The following PCDH9 variants were observed in gnomAD, a reference collection of about 807,000 sequenced individuals.
PCDH9 encodes the protein protocadherin-9.
PCDH9 carries 24 observed loss-of-function variants against 70.6 expected under a neutral mutation model. The observed-to-expected ratio is 0.34, with a 90% CI of 0.25 to 0.48. PCDH9 has a LOEUF of 0.48. PCDH9 is among the 20% of genes least tolerant of loss of function. The pLI is 0.99. For missense variants in PCDH9, 1,281 were observed against 1,503.6 expected (o/e 0.85, Z 2.45); for synonymous variants, 562 against 558.5 (o/e 1.01, Z -0.09).
At chr13:66,921,972 C>T (rs1267088135) in intron 2 of PCDH9, among the ~76,000 whole-genome samples, 1 of 151,300 alleles carries the variant, frequency 6.6e-6, no homozygotes, top group Non-Finnish European at 1.5e-5. Flanking sequence ...AATATCACTG[C>T]TGAAAGAACA....
chr13:66,718,825 T>C (rs999873855), intron 3 of PCDH9, among the ~76,000 whole-genome samples: 1 of 152,182 alleles, frequency 6.6e-6, no homozygotes, highest in African/African-American at 2.4e-5. Context: ...AGTTTTGATA[T>C]TTTCTTGAGC....
chr13:67,221,316 A>G (rs572046010), intron 2 of PCDH9: 3 of 152,180 alleles, frequency 2.0e-5, no homozygotes, highest in Non-Finnish European at 4.4e-5. Flanking sequence ...ACATTTCAGT[A>G]GTGGTTGTAG....
In PCDH9 at chr13:67,227,543, T is replaced by G; in HGVS notation, c.898A>C (p.Lys300Gln). 6.2e-7 allele frequency: 1 copy of G among 1,614,058 alleles called. No homozygotes were observed. Among genetic ancestry groups the G allele is most frequent in the Non-Finnish European group, 8.5e-7 (1 of 1,179,946 alleles). Reference protein sequence around the residue: ...IFGAQVAPATKRLFALNNTTG... With the variant: ...IFGAQVAPATQRLFALNNTTG... ...GTATTATTTAAAGCAAAGAGTCTTT[T>G]GGTTGCAGGGGCGACCTGGGCACCA... The change falls in exon 2 of 5, where the codon AAA (lysine) becomes CAA (glutamine). Residue 300 changes from lysine to glutamine, a missense_variant. Lys to Gln is a moderately conservative substitution (Grantham distance 53). Coordinates refer to ENST00000377865, the MANE Select transcript of PCDH9 (RefSeq NM_203487.3). The surrounding 1 kb of genome is among the most constrained non-coding windows in gnomAD (Gnocchi z 4.6).
intron 2 of PCDH9, among the ~76,000 whole-genome samples, chr13:66,940,341 T>G (rs569921157): frequency 2.0e-5 from 3 of 152,230 alleles, no homozygotes; most frequent in African/African-American, 7.2e-5. Context: ...AGTGTAATAT[T>G]TTGTTGTTGT....
intron 4 of PCDH9, among the ~76,000 whole-genome samples, chr13:66,398,640 G>A (rs1957141868): frequency 6.6e-6 from 1 of 151,960 alleles, no homozygotes; most frequent in African/African-American, 2.4e-5. Flanking sequence ...TTCAAAACTA[G>A]CATTTTAGTA....
intron 2 of PCDH9, among the ~76,000 whole-genome samples, chr13:66,996,541 G>T (rs1308416023): frequency 6.6e-6 from 1 of 152,144 alleles, no homozygotes; most frequent in Non-Finnish European, 1.5e-5. Flanking sequence ...TAAGTAATTT[G>T]ATATGTGAAG....
At chr13:66,697,945 A>T (rs2078586373) in intron 3 of PCDH9, among the ~76,000 whole-genome samples, 3 of 152,232 alleles carry the variant, frequency 2.0e-5, no homozygotes, top group Admixed American at 6.5e-5. Context: ...ATTCAGTCTT[A>T]AAAAAGACTG....
intron 4 of PCDH9, among the ~76,000 whole-genome samples, chr13:66,422,780 G>A (rs1042917229): frequency 3.3e-5 from 5 of 152,012 alleles, no homozygotes; most frequent in Non-Finnish European, 7.4e-5. Context: ...TCAAAAGGTA[G>A]CAGAAGACAA....
chr13:66,515,551 C>A (rs1449071256), intron 4 of PCDH9, among the ~76,000 whole-genome samples: 1 of 151,784 alleles, frequency 6.6e-6, no homozygotes, highest in Non-Finnish European at 1.5e-5. Flanking sequence ...TACTCCTGGG[C>A]AGTAGTAATG....
At chr13:67,010,539 C>T (rs1037520370) in intron 2 of PCDH9, among the ~76,000 whole-genome samples, 8 of 152,120 alleles carry the variant, frequency 5.3e-5, no homozygotes, top group African/African-American at 1.9e-4. Context: ...CAGACTGATA[C>T]ATGCCAGCTA....
intron 2 of PCDH9, among the ~76,000 whole-genome samples, chr13:66,969,940 A>G (rs1566328758): frequency 6.6e-6 from 1 of 152,052 alleles, no homozygotes; most frequent in Admixed American, 6.6e-5. Context: ...TATTAATAAC[A>G]ACTATATTTT....
In PCDH9 at chr13:66,401,259, C is replaced by T. The variant is rs530674828; in HGVS notation, c.3341-96231G>A. On this transcript the variant is annotated intron_variant, in intron 4 of 4. Coordinates refer to ENST00000377865, the MANE Select transcript of PCDH9 (RefSeq NM_203487.3). ...TGTTGGGGTGTCGGGGAAGGGATCTCGTGGGAGGTGATTAGATCATGGGGG... is the reference window on the plus strand; with the variant it reads ...TGTTGGGGTGTCGGGGAAGGGATCTTGTGGGAGGTGATTAGATCATGGGGG... Among the ~76,000 whole-genome samples, 319 of 152,082 alleles carry T rather than the reference C, an allele frequency of 2.1e-3. 1 individual carries two copies. The highest frequency in any genetic ancestry group is 0.01 in the Middle Eastern group (3 of 294).
chr13:66,873,547 G>A (rs935220277), intron 3 of PCDH9, among the ~76,000 whole-genome samples: 5 of 152,034 alleles, frequency 3.3e-5, no homozygotes, highest in Admixed American at 1.3e-4. Flanking sequence ...CTTTCAATAC[G>A]TCAGGTTTTT....
At chr13:66,917,894 C>T (rs1423950116) in intron 2 of PCDH9, among the ~76,000 whole-genome samples, 1 of 151,230 alleles carries the variant, frequency 6.6e-6, no homozygotes, top group Non-Finnish European at 1.5e-5. Context: ...ACATAATCAC[C>T]TCTCTCTCAT....
chr13:66,738,801 A>C (rs1313851632), intron 3 of PCDH9, among the ~76,000 whole-genome samples: 1 of 152,116 alleles, frequency 6.6e-6, no homozygotes, highest in Non-Finnish European at 1.5e-5. Context: ...AAAAAAAATA[A>C]AAAGAAATGA....
At chr13:66,992,640 T>A (rs57098915) in intron 2 of PCDH9, among the ~76,000 whole-genome samples, 2,798 of 152,146 alleles carry the variant, frequency 0.018, 84 homozygotes, top group African/African-American at 0.065. Context: ...GGTTATATAT[T>A]TATATATATA....
At chr13:66,809,336 A>G (rs1367288582) in intron 3 of PCDH9, among the ~76,000 whole-genome samples, 1 of 152,212 alleles carries the variant, frequency 6.6e-6, no homozygotes, top group African/African-American at 2.4e-5. Flanking sequence ...CTTACCTTTT[A>G]TAGAAAATTT....
intron 4 of PCDH9, among the ~76,000 whole-genome samples, chr13:66,466,056 CT>C (rs1015720360): frequency 6.6e-6 from 1 of 151,958 alleles, no homozygotes; most frequent in Non-Finnish European, 1.5e-5. Flanking sequence ...TCTGAAATTA[CT>C]TTTTTTCACA....
At chr13:66,732,051 A>T (rs2079086446) in intron 3 of PCDH9, among the ~76,000 whole-genome samples, 1 of 151,992 alleles carries the variant, frequency 6.6e-6, no homozygotes, top group African/African-American at 2.4e-5. Flanking sequence ...TATTCAAGAT[A>T]TGCTTTTGAT....
Sources: gnomAD v4.1 joint callset for allele counts (sites outside exome capture counted in the v4.1 genomes callset) on GRCh38, gnomAD v4.1.1 for gene constraint, Gnocchi (gnomAD v3.1) non-coding constraint, MANE v1.5 for transcripts, NCBI Gene and HGNC (gene_info 2026-07-23, HGNC 2026-07-21) for gene names.